SHISA5: variants seen among roughly 807,000 people sequenced by gnomAD.
The protein encoded by SHISA5 is shisa family member 5.
Under a neutral mutation model 27.5 loss-of-function variants are expected in SHISA5, and 21 were observed. That is an observed-to-expected ratio of 0.76 (90% CI 0.54 to 1.10). The LOEUF is 1.10. Among genes scored for constraint, SHISA5 ranks in the 50% least tolerant of loss-of-function variants. The probability of loss-of-function intolerance (pLI) is 0.00; values close to 1 mark genes in which losing one functional copy is unlikely to be tolerated. For synonymous variants in SHISA5, 137 were observed against 142.2 expected, an observed-to-expected ratio of 0.96 and a Z score of 0.26; for missense variants, 314 against 336.3, an observed-to-expected ratio of 0.93 and a Z score of 0.52.
rs984458155 is a variant in SHISA5 at position 48,504,043 on chromosome 3, G to GCAGCAA, written c.46_51dup (p.Leu19_Leu20dup). 2 of 1,463,090 alleles carry GCAGCAA rather than the reference G, an allele frequency of 1.4e-6. No individual in the cohort carries two copies. Among genetic ancestry groups the GCAGCAA allele is most frequent in the African/African-American group, 1.5e-5 (1 of 68,176 alleles). The allele number at this position is 1,463,090 out of a possible 1,614,324, so 90.6% of individuals were successfully genotyped here. On this transcript the variant is annotated inframe_insertion, in exon 1 of 6. Coordinates refer to ENST00000296444, the MANE Select transcript of SHISA5 (RefSeq NM_016479.6). This position sits in a 1 kb window ranked among gnomAD's most constrained non-coding sequence, Gnocchi z 4.0. Reference sequence around the variant, plus strand: ...CCACCCGGAGGCGGCGTTAGCAGCAGCAGCAACAGCAACGGCAACAGGATC... The same window carrying GCAGCAA: ...CCACCCGGAGGCGGCGTTAGCAGCAGCAGCAACAGCAACAGCAACGGCAACAGGATC...
At chr3:48,475,595 C>G (rs1028211022) in intron 3 of SHISA5, among the ~76,000 whole-genome samples, 13 of 152,316 alleles carry the variant, frequency 8.5e-5, no homozygotes, top group African/African-American at 2.9e-4. Flanking sequence ...TGGGAGGTAG[C>G]ACCGGGGCTG....
rs1303715436 is a variant in SHISA5 at position 48,473,179 on chromosome 3, C to T, written c.315-3336G>A. 6.9e-7 allele frequency: 1 copy of T among 1,441,378 alleles called. No homozygotes were observed. 89.3% of individuals were successfully genotyped at this position (1,441,378 alleles called of 1,614,324 possible). Reference sequence around the variant, plus strand: ...AGCACAGACGCGAAGCCCCGTTCCACCCTCTTAAAGACACAGGATGGCCCC... The same window carrying T: ...AGCACAGACGCGAAGCCCCGTTCCATCCTCTTAAAGACACAGGATGGCCCC... On this transcript the variant is annotated intron_variant, in intron 3 of 5. Transcript: ENST00000296444. This position sits in a 1 kb window ranked among gnomAD's most constrained non-coding sequence, Gnocchi z 4.3.
At position 48,473,045 on chromosome 3, in the gene SHISA5, T is replaced by G. The variant is rs1575305628; in HGVS notation, c.315-3202A>C. On this transcript the variant is annotated intron_variant, in intron 3 of 5. Coordinates refer to ENST00000296444, the MANE Select transcript of SHISA5 (RefSeq NM_016479.6). The surrounding 1 kb of genome is among the most constrained non-coding windows in gnomAD (Gnocchi z 4.3). ...CCTCTGCCTTCACCCAGAGGCCTCC[T>G]GTACCCCTGGGCTTTCCCCTCTTCC... The G allele has an allele frequency of 3.3e-6, 5 of 1,534,976 alleles. No homozygotes were observed. In the East Asian group the frequency reaches 1.2e-4, roughly 38 times the overall value.
intron 3 of SHISA5, among the ~76,000 whole-genome samples, chr3:48,474,002 CAAA>C (rs71625877): frequency 1.1e-4 from 8 of 70,296 alleles, no homozygotes; most frequent in South Asian, 4.7e-4. Context: ...GAATCTGTCT[CAAA>C]AAAAAAAAAA....
Position 48,473,113 on chromosome 3 carries a change from AAAAG to A in SHISA5, c.315-3274_315-3271del, listed in dbSNP as rs1487434778. On this transcript the variant is annotated intron_variant, in intron 3 of 5. Coordinates refer to ENST00000296444, the MANE Select transcript of SHISA5 (RefSeq NM_016479.6). This position sits in a 1 kb window ranked among gnomAD's most constrained non-coding sequence, Gnocchi z 4.3. ...TTTCAATTTCCTCCCCTTTTGGAGA[AAAAG>A]AAAGCAAATCTCCTCCAGATGACGT... The A allele has an allele frequency of 6.0e-5, 89 of 1,477,330 alleles. No individual in the cohort carries two copies. Among genetic ancestry groups the A allele is most frequent in the Admixed American group, 2.0e-4 (8 of 39,236 alleles). The allele number at this position is 1,477,330 out of a possible 1,614,324, so 91.5% of individuals were successfully genotyped here. A position where few individuals can be genotyped will look rare whatever the true frequency, so the allele number is the denominator to read the frequency against.
intron 1 of SHISA5, chr3:48,503,319 G>A (rs2041809023): frequency 6.0e-6 from 3 of 498,258 alleles, no homozygotes; most frequent in South Asian, 4.7e-5. Context: ...CGGATTCTGG[G>A]CACAAGTCTC....
chr3:48,480,640 T>A lies in SHISA5; in HGVS notation c.234-1383A>T, dbSNP rs1290195933. ...CGGGCTCAGTGGCATGCACCTGTAA[T>A]CCCAGTTACTCGGGAGGCTGAGGCA... On this transcript the variant is annotated intron_variant, in intron 2 of 5. Transcript: ENST00000296444. Among the ~76,000 whole-genome samples the A allele has an allele frequency of 3.3e-5, 5 of 152,196 alleles. No homozygotes were observed. The East Asian group carries it at 9.6e-4, about 29-fold the overall frequency.
chr3:48,478,357 C>A (rs1371485169), intron 3 of SHISA5, among the ~76,000 whole-genome samples: 2 of 152,188 alleles, frequency 1.3e-5, no homozygotes, highest in African/African-American at 4.8e-5. Flanking sequence ...AAAACAAGAA[C>A]CCAAGCCCCC....
Position 48,495,469 on chromosome 3 carries a change from G to C in SHISA5, c.233+5668C>G, listed in dbSNP as rs1279860727. The stretch of plus-strand genomic sequence containing the variant: ...ATACATTTGGTCACAGAAATCTTGT[G>C]TTGATTGTTCTGGTGTGAGAGAATA... On this transcript the variant is annotated intron_variant, in intron 2 of 5. Transcript: ENST00000296444. Among the ~76,000 whole-genome samples, 9 of 146,054 alleles carry C rather than the reference G, an allele frequency of 6.2e-5. 1 individual carries two copies. Among genetic ancestry groups the C allele is most frequent in the Non-Finnish European group, 1.5e-5 (1 of 67,700 alleles).
intron 2 of SHISA5, among the ~76,000 whole-genome samples, chr3:48,480,323 T>C (rs1418142020): frequency 2.0e-5 from 3 of 150,794 alleles, no homozygotes; most frequent in Non-Finnish European, 1.5e-5. Flanking sequence ...AACTCTTGAT[T>C]TGTATTGTGT....
chr3:48,475,721 C>T (rs757574631), intron 3 of SHISA5, among the ~76,000 whole-genome samples: 15 of 152,340 alleles, frequency 9.8e-5, no homozygotes, highest in African/African-American at 2.4e-4. Context: ...TTCTGCCATT[C>T]GGTACTTAGA....
At chr3:48,477,432 G>A (rs1426693002) in intron 3 of SHISA5, among the ~76,000 whole-genome samples, 1 of 151,802 alleles carries the variant, frequency 6.6e-6, no homozygotes. Context: ...ACACGGGGTC[G>A]CCCAGGCTGG....
intron 2 of SHISA5, among the ~76,000 whole-genome samples, chr3:48,486,058 G>A (rs2041208746): frequency 6.7e-6 from 1 of 149,814 alleles, no homozygotes; most frequent in Non-Finnish European, 1.5e-5. Context: ...GAACGCTAGA[G>A]TTACTGCCAG....
intron 1 of SHISA5, among the ~76,000 whole-genome samples, chr3:48,503,485 G>A (rs933526780): frequency 2.6e-5 from 4 of 152,110 alleles, no homozygotes; most frequent in Non-Finnish European, 5.9e-5. Context: ...TAAAGGACCC[G>A]CCCCCAGCCA....
chr3:48,478,496 G>C (rs734072), intron 3 of SHISA5, among the ~76,000 whole-genome samples: 99,881 of 151,848 alleles, frequency 0.66, 33,286 homozygotes, highest in African/African-American at 0.77. Context: ...ACAGACCCAG[G>C]CAGGAAAGCC....
upstream of SHISA5, chr3:48,504,508 C>A (rs927972513): frequency 2.5e-5 from 4 of 162,994 alleles, no homozygotes; most frequent in South Asian, 4.1e-4. This position sits in a 1 kb window ranked among gnomAD's most constrained non-coding sequence, Gnocchi z 4.0. Context: ...TGAGCGCCTA[C>A]TGTGTGGGCT....
Position 48,473,308 on chromosome 3 carries a change from G to C in SHISA5, c.315-3465C>G. The C allele has an allele frequency of 7.3e-7, 1 of 1,379,014 alleles. No individual in the cohort carries two copies. The highest frequency in any genetic ancestry group is 1.4e-5 in the South Asian group (1 of 73,024). The allele number at this position is 1,379,014 out of a possible 1,614,324, so 85.4% of individuals were successfully genotyped here. On this transcript the variant is annotated intron_variant, in intron 3 of 5. Coordinates refer to ENST00000296444, the MANE Select transcript of SHISA5 (RefSeq NM_016479.6). This position sits in a 1 kb window ranked among gnomAD's most constrained non-coding sequence, Gnocchi z 4.3. ...TCCCAGAGCTGCCTCCCTGAGCCAA[G>C]CCTACAGGGCCTGACCTCAGAATGC...
rs1054191658 is a variant in SHISA5 at position 48,470,544 on chromosome 3, G to A, written c.315-701C>T. Among the ~76,000 whole-genome samples, 25 of 152,196 alleles carry A rather than the reference G, an allele frequency of 1.6e-4. No individual in the cohort carries two copies. Among genetic ancestry groups the A allele is most frequent in the African/African-American group, 5.8e-4 (24 of 41,458 alleles). On this transcript the variant is annotated intron_variant, in intron 3 of 5. Coordinates refer to ENST00000296444, the MANE Select transcript of SHISA5 (RefSeq NM_016479.6). This position sits in a 1 kb window ranked among gnomAD's most constrained non-coding sequence, Gnocchi z 4.3. ...CCACTTCCACAGGTGAGAGGGCCAA[G>A]AGCCAAGGGGAGGACACAGAGGCCT...
chr3:48,477,736 C>T (rs921121690), intron 3 of SHISA5, among the ~76,000 whole-genome samples: 2 of 152,242 alleles, frequency 1.3e-5, no homozygotes, highest in Non-Finnish European at 2.9e-5. Context: ...GCGCACTTCA[C>T]CACAAGCCTG....
Sources: allele counts gnomAD v4.1 joint callset (sites outside exome capture counted in the v4.1 genomes callset), GRCh38; gene constraint gnomAD v4.1.1; non-coding constraint Gnocchi (gnomAD v3.1); transcripts MANE v1.5; gene names NCBI Gene and HGNC (gene_info 2026-07-23, HGNC 2026-07-21).